The following TIAM1 variants were observed in gnomAD, a reference collection of about 807,000 sequenced individuals.
TIAM1 encodes the protein TIAM Rac1 associated GEF 1.
In TIAM1, 65 loss-of-function variants were observed where a neutral mutation model predicts 163.5. The observed-to-expected ratio is 0.40, with a 90% CI of 0.33 to 0.49. TIAM1 has a LOEUF of 0.49. TIAM1 is among the 20% of genes least tolerant of loss of function. The pLI is 0.77. For synonymous variants in TIAM1, 833 were observed against 810.1 expected, an observed-to-expected ratio of 1.03 and a Z score of -0.48; for missense variants, 1,789 against 2,044.7, an observed-to-expected ratio of 0.87 and a Z score of 2.41.
intron 22 of TIAM1, among the ~76,000 whole-genome samples, chr21:31,140,164 GC>G (rs1247771506): frequency 6.6e-6 from 1 of 152,116 alleles, no homozygotes; most frequent in African/African-American, 2.4e-5. Context: ...AAAAAAATGA[GC>G]CTGGATAATG....
intron 22 of TIAM1, among the ~76,000 whole-genome samples, chr21:31,139,244 G>A (rs891260644): frequency 1.3e-5 from 2 of 151,946 alleles, no homozygotes; most frequent in South Asian, 4.1e-4. Flanking sequence ...TGCTCCTAAG[G>A]TCATTACAAT....
chr21:31,396,904 G>A (rs1020118818), intron 2 of TIAM1, among the ~76,000 whole-genome samples: 14 of 152,104 alleles, frequency 9.2e-5, no homozygotes, highest in African/African-American at 1.7e-4. Flanking sequence ...AACCGAGATC[G>A]CGCCACTGCA....
rs547294062 is a variant in TIAM1, at chr21:31,512,821, T to G, written c.-422+46106A>C. 1.6e-4 allele frequency among the ~76,000 whole-genome samples: 25 copies of G among 152,052 alleles called. No homozygotes were observed. The South Asian group carries it at 4.4e-3, about 27-fold the overall frequency. On this transcript the variant is annotated intron_variant, in intron 1 of 28. Transcript: ENST00000286827. The stretch of plus-strand genomic sequence containing the variant: ...TTTGTTTGTTTGTTTGTTTTGTATT[T>G]TTGGTAGAGACGGGATTTCACCATG...
At chr21:31,321,070 T>C (rs1299444083) in intron 2 of TIAM1, among the ~76,000 whole-genome samples, 1 of 151,662 alleles carries the variant, frequency 6.6e-6, no homozygotes, top group Non-Finnish European at 1.5e-5. Context: ...GAGGATCACC[T>C]GAGTCCAGGA....
rs550267478 is a variant in TIAM1 at position 31,193,182 on chromosome 21, G to A, written c.2575+2042C>T. Among the ~76,000 whole-genome samples the A allele has an allele frequency of 5.3e-5, 8 of 152,324 alleles. No homozygotes were observed. The East Asian group carries it at 1.5e-3, about 29-fold the overall frequency. On this transcript the variant is annotated intron_variant, in intron 13 of 27. Transcript: ENST00000541036. The stretch of plus-strand genomic sequence containing the variant: ...AGAATGTAGACAACCGCATAGGAAA[G>A]CGTTAACACAGCAGGCATGACTGCT...
chr21:31,369,235 G>GAAAAA (rs1555958172), intron 2 of TIAM1, among the ~76,000 whole-genome samples: 1 of 139,432 alleles, frequency 7.2e-6, no homozygotes, highest in East Asian at 2.2e-4. Flanking sequence ...CAAAAAAAAA[G>GAAAAA]AAAGAAAGAA....
At chr21:31,411,837 G>A (rs1001958462) in intron 2 of TIAM1, among the ~76,000 whole-genome samples, 2 of 151,976 alleles carry the variant, frequency 1.3e-5, no homozygotes, top group Non-Finnish European at 2.9e-5. Context: ...GCGGGCTATG[G>A]TTTGCCGACT....
intron 2 of TIAM1, among the ~76,000 whole-genome samples, chr21:31,439,074 G>A (rs954782284): frequency 2.0e-5 from 3 of 152,172 alleles, no homozygotes; most frequent in Non-Finnish European, 2.9e-5. Context: ...ATGTCATGCA[G>A]GGGAAAGTGC....
intron 23 of TIAM1, among the ~76,000 whole-genome samples, chr21:31,131,885 C>T (rs572475855): frequency 3.6e-4 from 55 of 152,296 alleles, no homozygotes; most frequent in African/African-American, 1.2e-3. Context: ...TTGACCCTTT[C>T]GCCATATGAA....
chr21:31,377,033 C>CTTTTTTTT (rs35487868), intron 2 of TIAM1, among the ~76,000 whole-genome samples: 16 of 80,944 alleles, frequency 2.0e-4, no homozygotes, highest in African/African-American at 2.4e-4. Flanking sequence ...TCATTTTTGT[C>CTTTTTTTT]TTTTTTTTTT....
intron 16 of TIAM1, among the ~76,000 whole-genome samples, chr21:31,154,744 T>C (rs2083540776): frequency 2.0e-5 from 3 of 152,164 alleles, no homozygotes. Context: ...AGTACGTAAG[T>C]GGCAGAGCTG....
At chr21:31,360,104 T>C (rs1017677550) in intron 2 of TIAM1, among the ~76,000 whole-genome samples, 1 of 152,046 alleles carries the variant, frequency 6.6e-6, no homozygotes, top group African/African-American at 2.4e-5. Flanking sequence ...AGGAGACTGA[T>C]GAGCTATTGT....
chr21:31,531,179 C>G (rs901533241), intron 1 of TIAM1, among the ~76,000 whole-genome samples: 1 of 152,190 alleles, frequency 6.6e-6, no homozygotes. Context: ...TTTACTCCCC[C>G]CTTCTCTGAT....
At chr21:31,252,776 C>T (rs2146752704) in intron 4 of TIAM1, among the ~76,000 whole-genome samples, 1 of 152,350 alleles carries the variant, frequency 6.6e-6, no homozygotes, top group Admixed American at 6.5e-5. Flanking sequence ...GTTCCAGGAG[C>T]AGGCAAGAAT....
At chr21:31,187,369 C>T (rs778785274) in intron 13 of TIAM1, among the ~76,000 whole-genome samples, 8 of 152,038 alleles carry the variant, frequency 5.3e-5, no homozygotes, top group Non-Finnish European at 1.2e-4. Context: ...TCCTGGTAAA[C>T]GCCATCATTT....
chr21:31,303,954 G>A (rs771276288), intron 2 of TIAM1, among the ~76,000 whole-genome samples: 3 of 152,102 alleles, frequency 2.0e-5, no homozygotes, highest in Admixed American at 6.5e-5. Context: ...CTCCAGCCTG[G>A]GCAACAGAGT....
intron 2 of TIAM1, among the ~76,000 whole-genome samples, chr21:31,449,883 A>G (rs1024916068): frequency 1.3e-5 from 2 of 152,212 alleles, no homozygotes; most frequent in African/African-American, 2.4e-5. Flanking sequence ...GAAAATGTTC[A>G]CACTGAGGCA....
At chr21:31,250,595 G>A (rs975959033) in intron 5 of TIAM1, among the ~76,000 whole-genome samples, 2 of 152,130 alleles carry the variant, frequency 1.3e-5, no homozygotes, top group African/African-American at 4.8e-5. Flanking sequence ...ATCCAGTATC[G>A]AACGGTCTAG....
chr21:31,198,843 TATC>T (rs1291352913), intron 12 of TIAM1, among the ~76,000 whole-genome samples: 1 of 152,246 alleles, frequency 6.6e-6, no homozygotes, highest in Non-Finnish European at 1.5e-5. Flanking sequence ...AACAACTCAG[TATC>T]ATAAGACAGG....
Sources: allele counts gnomAD v4.1 joint callset (sites outside exome capture counted in the v4.1 genomes callset), GRCh38; gene constraint gnomAD v4.1.1; transcripts MANE v1.5; gene names NCBI Gene and HGNC (gene_info 2026-07-23, HGNC 2026-07-21).